PDS5B: variants seen among roughly 807,000 people sequenced by gnomAD.
PDS5B encodes the protein PDS5 cohesin associated factor B, also known as sister chromatid cohesion protein PDS5 homolog B.
PDS5B carries 51 observed loss-of-function variants against 184.1 expected under a neutral mutation model. The ratio of observed to expected loss-of-function variants is 0.28; its 90% CI spans 0.22 to 0.35. The LOEUF (loss-of-function observed/expected upper bound fraction) is 0.35. PDS5B is among the 10% of genes least tolerant of loss of function. The pLI, the probability that PDS5B is intolerant of heterozygous loss-of-function variation, is 1.00. For synonymous variants in PDS5B, 566 were observed against 569.2 expected (o/e 0.99, Z 0.08); for missense variants, 1,180 against 1,723.3 (o/e 0.68, Z 5.58).
Position 32,775,718 on chromosome 13 carries a change from C to T in PDS5B, c.*666C>T. ...CCTGAAGTTCTTGGATTACTTTACA[C>T]CTCAGTATTGATTTGTCCCAGAATT... is the stretch of plus-strand genomic sequence containing the variant. On this transcript the variant is annotated 3_prime_UTR_variant, in exon 35 of 35. Coordinates refer to ENST00000315596, the MANE Select transcript of PDS5B (RefSeq NM_015032.4). 6.6e-6 allele frequency: 3 copies of T among 451,872 alleles called. No homozygotes were observed. Among genetic ancestry groups the T allele is most frequent in the Non-Finnish European group, 1.3e-5 (3 of 225,268 alleles). 28.0% of individuals were successfully genotyped at this position (451,872 alleles called of 1,614,324 possible). A position where few individuals can be genotyped will look rare whatever the true frequency, so the allele number is the denominator to read the frequency against.
rs921634631 is a variant in PDS5B, at chr13:32,586,508, G to C, written c.-105G>C. 2 of 152,726 alleles carry C rather than the reference G, an allele frequency of 1.3e-5. No individual in the cohort carries two copies. Among genetic ancestry groups the C allele is most frequent in the Non-Finnish European group, 2.9e-5 (2 of 68,496 alleles). The allele number at this position is 152,726 out of a possible 1,614,324, so 9.5% of individuals were successfully genotyped here. ...CAGGGCTGGCTGCGGAAGGGGAGGG[G>C]GGGGGAGAAGGCGATTGGATGCGGC... On this transcript the variant is annotated 5_prime_UTR_variant, in exon 1 of 35. Transcript: ENST00000315596.
intron 27 of PDS5B, 62 bp downstream of exon 27, chr13:32,758,281 A>G (rs904408994): frequency 1.2e-5 from 15 of 1,301,466 alleles, no homozygotes; most frequent in South Asian, 1.6e-5. Flanking sequence ...GGTGTAAAGT[A>G]TGAAACTTCT....
intron 1 of PDS5B, among the ~76,000 whole-genome samples, chr13:32,643,147 T>C (rs1294361200): frequency 6.6e-6 from 1 of 152,154 alleles, no homozygotes. Context: ...GCAGAGAGAC[T>C]TTCTTCCACT....
At chr13:32,648,215 G>T (rs925403165) in intron 1 of PDS5B, among the ~76,000 whole-genome samples, 6 of 152,284 alleles carry the variant, frequency 3.9e-5, no homozygotes, top group African/African-American at 1.4e-4. Context: ...TCTTCTTTGG[G>T]TAGGGTGGTG....
At chr13:32,740,605 C>G (rs1474234466) in intron 21 of PDS5B, among the ~76,000 whole-genome samples, 1 of 152,132 alleles carries the variant, frequency 6.6e-6, no homozygotes, top group African/African-American at 2.4e-5. Flanking sequence ...AAACACCTAC[C>G]TGCTAGTACT....
chr13:32,773,248 A>G lies in PDS5B; in HGVS notation c.4232A>G (p.Asp1411Gly). The change falls in exon 34 of 35, where the codon GAT (aspartate) becomes GGT (glycine). Residue 1411 changes from aspartate to glycine, a missense_variant. By Grantham distance (94) the Asp-to-Gly change is moderately conservative (BLOSUM62 -1). Transcript: ENST00000315596. ...TKENDSSEEV[D>G]VFQGSSPVDD... ...GAAAATGATTCAAGTGAAGAAGTAG[A>G]TGTGTTTCAGGGTAGCTCTCCTGTC... is the stretch of plus-strand genomic sequence containing the variant. 1.9e-6 allele frequency: 3 copies of G among 1,613,342 alleles called. No homozygotes were observed. Among genetic ancestry groups the G allele is most frequent in the African/African-American group, 1.3e-5 (1 of 75,016 alleles).
At chr13:32,721,648 G>A (rs544473272) in intron 19 of PDS5B, among the ~76,000 whole-genome samples, 3 of 149,996 alleles carry the variant, frequency 2.0e-5, no homozygotes, top group African/African-American at 7.4e-5. Context: ...AGACGGGGCG[G>A]CCGGGCAGAG....
At chr13:32,660,991 A>T (rs34693122) in intron 6 of PDS5B, among the ~76,000 whole-genome samples, 2,562 of 152,230 alleles carry the variant, frequency 0.017, 41 homozygotes, top group East Asian at 0.068. Flanking sequence ...CAAAATTTTT[A>T]AAAAAAATTA....
rs182844386 is a variant in PDS5B, at chr13:32,697,079, A to G, written c.1600+177A>G. Reference sequence around the variant, plus strand: ...GATTTAGTACATAAATTTATTTTTAAGAGTTTATTGAAATCATCATGTAAA... The same window carrying G: ...GATTTAGTACATAAATTTATTTTTAGGAGTTTATTGAAATCATCATGTAAA... On this transcript the variant is annotated intron_variant, in intron 15 of 34. Transcript: ENST00000315596. 2.0e-5 allele frequency among the ~76,000 whole-genome samples: 3 copies of G among 152,316 alleles called. No individual in the cohort carries two copies. In the East Asian group the frequency reaches 5.8e-4, roughly 29 times the overall value.
intron 31 of PDS5B, among the ~76,000 whole-genome samples, chr13:32,769,479 C>T (rs1225584628): frequency 6.6e-6 from 1 of 152,158 alleles, no homozygotes; most frequent in African/African-American, 2.4e-5. Context: ...CATATAGATT[C>T]TCTGAATATA....
At chr13:32,721,563 A>G (rs1256285886) in intron 19 of PDS5B, among the ~76,000 whole-genome samples, 2 of 138,210 alleles carry the variant, frequency 1.4e-5, no homozygotes, top group East Asian at 2.3e-4. Flanking sequence ...CACCTCCCAG[A>G]TGGGGTGGCG....
chr13:32,668,428 T>C (rs1950855975), intron 7 of PDS5B, among the ~76,000 whole-genome samples: 3 of 152,206 alleles, frequency 2.0e-5, no homozygotes, highest in South Asian at 4.1e-4. Context: ...TGGTTGACTA[T>C]CTTGTATTTA....
intron 21 of PDS5B, among the ~76,000 whole-genome samples, chr13:32,737,873 A>G (rs999406179): frequency 6.6e-6 from 1 of 152,114 alleles, no homozygotes. Context: ...CTTGTCCCTA[A>G]TATCTACTCT....
In PDS5B at chr13:32,586,508, G is replaced by T. The variant is rs921634631; in HGVS notation, c.-105G>T. 108 of 152,726 alleles carry T rather than the reference G, an allele frequency of 7.1e-4. No homozygotes were observed. The highest frequency in any genetic ancestry group is 1.3e-3 in the Non-Finnish European group (90 of 68,496). 9.5% of individuals were successfully genotyped at this position (152,726 alleles called of 1,614,324 possible). A position where few individuals can be genotyped will look rare whatever the true frequency, so the allele number is the denominator to read the frequency against. On this transcript the variant is annotated 5_prime_UTR_variant, in exon 1 of 35. Coordinates refer to ENST00000315596, the MANE Select transcript of PDS5B (RefSeq NM_015032.4). ...CAGGGCTGGCTGCGGAAGGGGAGGG[G>T]GGGGGAGAAGGCGATTGGATGCGGC...
At chr13:32,751,983 G>A (rs1481502618) in intron 24 of PDS5B, among the ~76,000 whole-genome samples, 11 of 152,096 alleles carry the variant, frequency 7.2e-5, no homozygotes, top group African/African-American at 2.7e-4. Flanking sequence ...GATTTTTGGG[G>A]AAGATAAACT....
chr13:32,603,744 T>G (rs1208703561), intron 1 of PDS5B, among the ~76,000 whole-genome samples: 2 of 151,456 alleles, frequency 1.3e-5, no homozygotes, highest in African/African-American at 4.8e-5. Flanking sequence ...AATGTTTGTG[T>G]CCTCTTTTAT....
Position 32,760,645 on chromosome 13 carries a change from A to G in PDS5B, c.3443A>G (p.Lys1148Arg), listed in dbSNP as rs558856899. ...LSSAGKQSQTKSSRMETVSNA... is the reference protein window; with the variant it reads ...LSSAGKQSQTRSSRMETVSNA... ...TCAGCAGGCAAGCAATCTCAGACCA[A>G]ATCATCACGAATGGAAACTGTAAGC... The change falls in exon 30 of 35, where the codon AAA becomes AGA. Residue 1148 changes from lysine (K) to arginine (R), a missense_variant. By Grantham distance (26) the Lys-to-Arg change is conservative. Around this residue, in one of 11 missense-constraint regions of PDS5B, gnomAD observed 465 missense variants for 497.8 expected, o/e 0.93. Transcript: ENST00000315596. The G allele has an allele frequency of 3.1e-6, 5 of 1,614,040 alleles. No homozygotes were observed. Among genetic ancestry groups the G allele is most frequent in the Non-Finnish European group, 4.2e-6 (5 of 1,179,912 alleles).
At chr13:32,731,034 A>G (rs930212903) in intron 19 of PDS5B, among the ~76,000 whole-genome samples, 3 of 152,174 alleles carry the variant, frequency 2.0e-5, no homozygotes, top group African/African-American at 7.2e-5. Context: ...CGGTTTTCAA[A>G]GGGAATGCTT....
intron 16 of PDS5B, 168 bp from the exon 17 acceptor site, chr13:32,701,155 T>G: frequency 2.0e-6 from 1 of 510,664 alleles, no homozygotes; most frequent in Non-Finnish European, 3.5e-6. Context: ...ACCTTTTTCA[T>G]ATGCTAAATC....
Sources: allele counts gnomAD v4.1 joint callset (sites outside exome capture counted in the v4.1 genomes callset), GRCh38; gene constraint gnomAD v4.1.1; regional missense constraint gnomAD v4.1.1; transcripts MANE v1.5; gene names NCBI Gene and HGNC (gene_info 2026-07-23, HGNC 2026-07-21).